Variants in PCNP observed in about 807,000 individuals in gnomAD.
PCNP encodes PEST proteolytic signal-containing nuclear protein.
In PCNP, 6 loss-of-function variants were observed where a neutral mutation model predicts 21.8. The observed-to-expected ratio is 0.28, with a 90% CI of 0.15 to 0.54. The LOEUF is 0.54. Ranked by LOEUF, PCNP falls within the 20% of genes least tolerant of loss-of-function variation. The pLI is 0.95. For missense variants in PCNP, 161 were observed against 215.5 expected (o/e 0.75, Z 1.58); for synonymous variants, 67 against 73.2 (o/e 0.92, Z 0.43).
chr3:101,576,678 T>C (rs1559955782), intron 1 of PCNP: 7 of 1,612,166 alleles, frequency 4.3e-6, no homozygotes, highest in South Asian at 2.2e-5. Flanking sequence ...TTCCATCCTT[T>C]ACATCCTTCT....
At chr3:101,591,787 T>A (rs954915173) in intron 4 of PCNP, among the ~76,000 whole-genome samples, 4 of 111,134 alleles carry the variant, frequency 3.6e-5, no homozygotes, top group African/African-American at 1.3e-4. Flanking sequence ...TTTTTTTTTT[T>A]TTAAGACAGG....
intron 4 of PCNP, 36 bp downstream of exon 4, chr3:101,590,306 C>G (rs747085571): frequency 4.6e-6 from 5 of 1,092,772 alleles, no homozygotes; most frequent in Non-Finnish European, 6.9e-6. Context: ...TAGAAAGATA[C>G]AAAGGTGAAT....
intron 1 of PCNP, among the ~76,000 whole-genome samples, chr3:101,578,950 C>T (rs954689143): frequency 2.6e-5 from 4 of 152,152 alleles, no homozygotes; most frequent in African/African-American, 9.7e-5. Context: ...TTCTTAGTCT[C>T]ATATAACAGA....
At chr3:101,576,239 G>T in intron 1 of PCNP, among the ~76,000 whole-genome samples, 1 of 135,262 alleles carries the variant, frequency 7.4e-6, no homozygotes, top group Admixed American at 7.7e-5. Context: ...TTTATGAATG[G>T]TTTCCTTTTT....
At chr3:101,590,613 C>T (rs1376028041) in intron 4 of PCNP, among the ~76,000 whole-genome samples, 2 of 152,100 alleles carry the variant, frequency 1.3e-5, no homozygotes, top group Non-Finnish European at 1.5e-5. Flanking sequence ...GGCACAATCA[C>T]AGCTCACTGC....
At position 101,585,428 on chromosome 3, in the gene PCNP, C is replaced by G. The variant is rs369426382; in HGVS notation, c.280-9C>G. ...ACATGATATTCTTTTTAATATGTTT[C>G]TTCTTCAGAAGCCTAAAGAAACTGT... On this transcript the variant is annotated splice_polypyrimidine_tract_variant and intron_variant, in intron 2 of 4. Transcript: ENST00000265260. The G allele has an allele frequency of 6.5e-7, 1 of 1,532,106 alleles. No homozygotes were observed. The highest frequency in any genetic ancestry group is 1.4e-5 in the African/African-American group (1 of 72,522). 94.9% of individuals were successfully genotyped at this position (1,532,106 alleles called of 1,614,324 possible). A position where few individuals can be genotyped will look rare whatever the true frequency, so the allele number is the denominator to read the frequency against.
At chr3:101,585,883 A>G (rs188772780) in intron 3 of PCNP, among the ~76,000 whole-genome samples, 20 of 152,286 alleles carry the variant, frequency 1.3e-4, no homozygotes, top group Non-Finnish European at 2.2e-4. Flanking sequence ...TAAAAAGCCA[A>G]CTATTGGCTA....
intron 3 of PCNP, among the ~76,000 whole-genome samples, chr3:101,585,921 A>G (rs2108285010): frequency 6.6e-6 from 1 of 152,306 alleles, no homozygotes. Flanking sequence ...CTGTAAGCCT[A>G]GCTCTTTGGG....
At chr3:101,586,896 T>G (rs1935557550) in intron 3 of PCNP, among the ~76,000 whole-genome samples, 1 of 151,798 alleles carries the variant, frequency 6.6e-6, no homozygotes, top group Non-Finnish European at 1.5e-5. Context: ...AGGACTGGAG[T>G]GATTTGGGAA....
At chr3:101,583,867 T>C (rs1359210563) in intron 2 of PCNP, among the ~76,000 whole-genome samples, 1 of 31,886 alleles carries the variant, frequency 3.1e-5, no homozygotes, top group Non-Finnish European at 9.5e-5. Flanking sequence ...TTCACCATGT[T>C]GGCCAGGCTG....
chr3:101,586,986 G>C (rs1935561814), intron 3 of PCNP, among the ~76,000 whole-genome samples: 1 of 152,192 alleles, frequency 6.6e-6, no homozygotes, highest in African/African-American at 2.4e-5. Flanking sequence ...GCGCGCAGTG[G>C]CTCATGGCTG....
Position 101,592,946 on chromosome 3 carries a change from G to GAA in PCNP, c.*194_*195insAA, listed in dbSNP as rs1402194766. The GAA allele has an allele frequency of 5.3e-6, 2 of 380,564 alleles. No individual in the cohort carries two copies. The highest frequency in any genetic ancestry group is 9.3e-6 in the Non-Finnish European group (2 of 215,348). The allele number at this position is 380,564 out of a possible 1,614,324, so 23.6% of individuals were successfully genotyped here. A position where few individuals can be genotyped will look rare whatever the true frequency, so the allele number is the denominator to read the frequency against. On this transcript the variant is annotated 3_prime_UTR_variant, in exon 5 of 5. Coordinates refer to ENST00000265260, the MANE Select transcript of PCNP (RefSeq NM_020357.3). ...TTTATGTTTTATATACAGATTTCAA[G>GAA]ACATTTGCTAATTTTGTAGTTTCAT...
Position 101,574,299 on chromosome 3 carries a change from C to T in PCNP, c.64+20C>T, listed in dbSNP as rs747856107. On this transcript the variant is annotated intron_variant, in intron 1 of 4. Coordinates refer to ENST00000265260, the MANE Select transcript of PCNP (RefSeq NM_020357.3). ...CCGGAGGTGAACACAACCCCAGCGTCGTGGGCAGCGTGGGATGCTCCGGGC... is the reference window on the plus strand; with the variant it reads ...CCGGAGGTGAACACAACCCCAGCGTTGTGGGCAGCGTGGGATGCTCCGGGC... 2.1e-6 allele frequency: 3 copies of T among 1,401,390 alleles called. No homozygotes were observed. The highest frequency in any genetic ancestry group is 1.3e-5 in the South Asian group (1 of 79,686). The allele number at this position is 1,401,390 out of a possible 1,614,324, so 86.8% of individuals were successfully genotyped here. A position where few individuals can be genotyped will look rare whatever the true frequency, so the allele number is the denominator to read the frequency against.
At chr3:101,576,648 G>T (rs1934914359) in intron 1 of PCNP, 1 of 1,611,736 alleles carries the variant, frequency 6.2e-7, no homozygotes, top group Admixed American at 1.7e-5. Context: ...CCAGACCATT[G>T]GCTAGGACCT....
At chr3:101,586,327 G>T (rs1318653475) in intron 3 of PCNP, among the ~76,000 whole-genome samples, 3 of 152,044 alleles carry the variant, frequency 2.0e-5, no homozygotes, top group Non-Finnish European at 2.9e-5. Context: ...ATCTGATAGT[G>T]TCTTTGTCCC....
chr3:101,583,091 G>C (rs1367830288), intron 2 of PCNP, among the ~76,000 whole-genome samples: 1 of 152,192 alleles, frequency 6.6e-6, no homozygotes, highest in Non-Finnish European at 1.5e-5. Flanking sequence ...ACTTTGGGAG[G>C]CTGAGGCAGG....
intron 3 of PCNP, among the ~76,000 whole-genome samples, chr3:101,589,058 A>T (rs541856561): frequency 6.6e-6 from 1 of 152,294 alleles, no homozygotes; most frequent in South Asian, 2.1e-4. Flanking sequence ...TTCTTGCCAG[A>T]ATTATTATTA....
At chr3:101,591,673 C>G (rs1177544179) in intron 4 of PCNP, among the ~76,000 whole-genome samples, 1 of 151,378 alleles carries the variant, frequency 6.6e-6, no homozygotes, top group Non-Finnish European at 1.5e-5. Context: ...TCATTTTTTA[C>G]AAATGCTGGT....
upstream of PCNP, chr3:101,574,179 C>A: frequency 1.3e-6 from 2 of 1,546,340 alleles, no homozygotes; most frequent in South Asian, 1.2e-5. Context: ...GTCGTGACGT[C>A]CTTGGCGTGG....
Sources: gnomAD v4.1 joint callset for allele counts (sites outside exome capture counted in the v4.1 genomes callset) on GRCh38, gnomAD v4.1.1 for gene constraint, MANE v1.5 for transcripts, NCBI Gene and HGNC (gene_info 2026-07-23, HGNC 2026-07-21) for gene names.